The following PHF24 variants were observed in gnomAD, a reference collection of about 807,000 sequenced individuals.
PHF24 encodes PHD finger protein 24, also known as Galpha inhibitory interacting protein.
Under a neutral mutation model 42.6 loss-of-function variants are expected in PHF24, and 25 were observed. The ratio of observed to expected loss-of-function variants is 0.59; its 90% confidence interval spans 0.43 to 0.82. The LOEUF is 0.82. Among genes scored for constraint, PHF24 ranks in the 40% least tolerant of loss-of-function variants. PHF24 has a pLI of 0.00. For missense variants in PHF24, 470 were observed against 538.1 expected (o/e 0.87, Z 1.25); for synonymous variants, 185 against 204.8 (o/e 0.90, Z 0.83).
chr9:34,777,103 C>G, the PHF24 span, among the ~76,000 whole-genome samples: 101 of 152,262 alleles, frequency 6.6e-4, no homozygotes, highest in African/African-American at 2.4e-3. Flanking sequence ...CCATTGGTGG[C>G]AGCAGTAGCT....
the PHF24 span, among the ~76,000 whole-genome samples, chr9:34,708,582 T>G: frequency 6.6e-6 from 1 of 152,156 alleles, no homozygotes; most frequent in Non-Finnish European, 1.5e-5. Flanking sequence ...AGCCACAGCT[T>G]CCCTCCTAGG....
chr9:34,913,481 T>G, the PHF24 span, among the ~76,000 whole-genome samples: 2 of 152,200 alleles, frequency 1.3e-5, no homozygotes, highest in Non-Finnish European at 2.9e-5. Flanking sequence ...ATTAAAGAAC[T>G]CTGCAAAATC....
chr9:34,692,173 A>T, the PHF24 span, among the ~76,000 whole-genome samples: 1 of 151,764 alleles, frequency 6.6e-6, no homozygotes, highest in Non-Finnish European at 1.5e-5. Context: ...CAAACCCTAG[A>T]CCCTCTTTTG....
At chr9:34,883,025 A>C in the PHF24 span, among the ~76,000 whole-genome samples, 1 of 152,346 alleles carries the variant, frequency 6.6e-6, no homozygotes, top group African/African-American at 2.4e-5. Context: ...GATATAGATC[A>C]ATGGAACAGA....
At chr9:34,968,931 G>A (rs903984624) in intron 1 of PHF24, among the ~76,000 whole-genome samples, 1 of 152,194 alleles carries the variant, frequency 6.6e-6, no homozygotes, top group African/African-American at 2.4e-5. Flanking sequence ...GCATGGTGCT[G>A]TGAGCACTCC....
chr9:34,892,909 C>T, the PHF24 span: 7 of 690,934 alleles, frequency 1.0e-5, no homozygotes, highest in Admixed American at 1.5e-4. Flanking sequence ...TTACAGATGC[C>T]AGTGAAAGCT....
At chr9:34,759,632 G>A in the PHF24 span, among the ~76,000 whole-genome samples, 3 of 152,122 alleles carry the variant, frequency 2.0e-5, no homozygotes, top group Non-Finnish European at 4.4e-5. Flanking sequence ...AGCTGCTGCT[G>A]CCCTCTATGT....
chr9:34,896,963 T>G, the PHF24 span, among the ~76,000 whole-genome samples: 9 of 152,140 alleles, frequency 5.9e-5, no homozygotes, highest in Non-Finnish European at 1.0e-4. Flanking sequence ...GAGACCAGCC[T>G]GGCCAACATG....
At chr9:34,789,001 T>C in the PHF24 span, among the ~76,000 whole-genome samples, 1 of 152,132 alleles carries the variant, frequency 6.6e-6, no homozygotes, top group Non-Finnish European at 1.5e-5. Context: ...CTACAACATT[T>C]CTGAGGTGGC....
At chr9:34,858,876 T>C in the PHF24 span, among the ~76,000 whole-genome samples, 1 of 152,216 alleles carries the variant, frequency 6.6e-6, no homozygotes, top group East Asian at 1.9e-4. Context: ...CTTGTTGTTG[T>C]TGTTTGTTGT....
the PHF24 span, chr9:34,727,042 A>G: frequency 6.6e-7 from 1 of 1,514,826 alleles, no homozygotes; most frequent in Non-Finnish European, 8.8e-7. Flanking sequence ...GCCTTCTTGG[A>G]AGAGTGTGGG....
chr9:34,873,860 T>G, the PHF24 span, among the ~76,000 whole-genome samples: 1 of 152,096 alleles, frequency 6.6e-6, no homozygotes, highest in African/African-American at 2.4e-5. Flanking sequence ...TTCCATTTGT[T>G]TGTATCCTCT....
At chr9:34,913,723 A>G in the PHF24 span, among the ~76,000 whole-genome samples, 37 of 152,236 alleles carry the variant, frequency 2.4e-4, no homozygotes, top group Non-Finnish European at 2.9e-5. Flanking sequence ...TCCTGCCTCT[A>G]TAGATGGTAT....
At chr9:34,679,313 T>C in the PHF24 span, among the ~76,000 whole-genome samples, 1 of 152,374 alleles carries the variant, frequency 6.6e-6, no homozygotes, top group South Asian at 2.1e-4. Context: ...TGGGTCATTG[T>C]CACCTTTCCC....
At chr9:34,919,844 G>A in the PHF24 span, among the ~76,000 whole-genome samples, 1 of 152,070 alleles carries the variant, frequency 6.6e-6, no homozygotes, top group Non-Finnish European at 1.5e-5. Context: ...TTAACATAAT[G>A]TCCTCCAGTC....
At chr9:34,687,300 G>A in the PHF24 span, among the ~76,000 whole-genome samples, 3 of 152,282 alleles carry the variant, frequency 2.0e-5, no homozygotes, top group African/African-American at 7.2e-5. Context: ...GTGGCCCCAG[G>A]GAGAGTTTTC....
chr9:34,711,525 A>G, the PHF24 span, among the ~76,000 whole-genome samples: 1 of 148,168 alleles, frequency 6.7e-6, no homozygotes, highest in Admixed American at 6.7e-5. Context: ...GAACCAGCAT[A>G]CCTGGCAATG....
chr9:34,927,472 C>T, the PHF24 span, among the ~76,000 whole-genome samples: 1,544 of 152,230 alleles, frequency 0.01, 36 homozygotes, highest in East Asian at 0.08. Context: ...ACCTTGCTCT[C>T]CTAATCTGGA....
At chr9:34,722,295 A>G in the PHF24 span, among the ~76,000 whole-genome samples, 12 of 152,214 alleles carry the variant, frequency 7.9e-5, no homozygotes, top group East Asian at 3.9e-4. Flanking sequence ...GTGGGTTAGG[A>G]AAAAAATCAA....
Sources: allele counts gnomAD v4.1 joint callset (sites outside exome capture counted in the v4.1 genomes callset), GRCh38; gene constraint gnomAD v4.1.1; transcripts MANE v1.5; gene names NCBI Gene and HGNC (gene_info 2026-07-23, HGNC 2026-07-21).